The following MAX variants were observed in gnomAD, a reference collection of about 807,000 sequenced individuals.
MAX encodes the protein MYC associated transcriptional regulator X, also known as protein max.
Under a neutral mutation model 22.3 loss-of-function variants are expected in MAX, and 3 were observed. The ratio of observed to expected loss-of-function variants is 0.13; its 90% CI spans 0.06 to 0.35. MAX has a LOEUF of 0.35. MAX is among the 10% of genes least tolerant of loss of function. MAX has a pLI of 1.00. For synonymous variants in MAX, 72 were observed against 77.7 expected (o/e 0.93, Z 0.39); for missense variants, 119 against 209.4 (o/e 0.57, Z 2.66).
At chr14:65,053,466 C>A in intron 3 of MAX, 1 of 879,854 alleles carries the variant, frequency 1.1e-6, no homozygotes, top group Non-Finnish European at 1.5e-6. Context: ...TCAGCACCTG[C>A]ATAGCGCTAG....
intron 3 of MAX, among the ~76,000 whole-genome samples, chr14:65,043,549 A>G (rs969478717): frequency 6.6e-6 from 1 of 152,084 alleles, no homozygotes; most frequent in Non-Finnish European, 1.5e-5. Context: ...CAGGCCGGGC[A>G]CGGTGGCTCA....
At chr14:65,046,278 A>G (rs931544443) in intron 3 of MAX, among the ~76,000 whole-genome samples, 1 of 152,188 alleles carries the variant, frequency 6.6e-6, no homozygotes, top group African/African-American at 2.4e-5. Flanking sequence ...GCCTGGCCCA[A>G]CATTTCTAAG....
At chr14:65,024,781 GA>G (rs201797760) in intron 3 of MAX, among the ~76,000 whole-genome samples, 37 of 151,358 alleles carry the variant, frequency 2.4e-4, no homozygotes, top group South Asian at 6.3e-4. Context: ...ACATTTGTGG[GA>G]AAAAAAAATA....
chr14:65,080,615 A>T lies in MAX; in HGVS notation c.172-2579T>A, dbSNP rs1359466074. 2.0e-5 allele frequency among the ~76,000 whole-genome samples: 3 copies of T among 152,156 alleles called. No homozygotes were observed. In the East Asian group the frequency reaches 5.8e-4, roughly 29 times the overall value. Reference sequence around the variant, plus strand: ...TCTCACCTTGCCTATTCCTCATCTGACTAGAAATTCTCTAAGACCCCATCT... The same window carrying T: ...TCTCACCTTGCCTATTCCTCATCTGTCTAGAAATTCTCTAAGACCCCATCT... On this transcript the variant is annotated intron_variant, in intron 3 of 4. Coordinates refer to ENST00000358664, the MANE Select transcript of MAX (RefSeq NM_002382.5).
Position 65,032,575 on chromosome 14 carries a change from A to C in MAX, c.172-26291T>G. 2.7e-4 allele frequency: 437 copies of C among 1,595,066 alleles called. No homozygotes were observed. The highest frequency in any genetic ancestry group is 3.3e-4 in the Non-Finnish European group (389 of 1,165,784). On this transcript the variant is annotated intron_variant, in intron 3 of 3. Transcript: ENST00000341653. This position sits in a 1 kb window ranked among gnomAD's most constrained non-coding sequence, Gnocchi z 5.0. ...CACTGAGCCTCATTAGCTCTTCCGT[A>C]GAGCTTAATGTGTTTCCCGTTTCTG...
At chr14:65,063,451 A>C (rs913828135) in intron 3 of MAX, among the ~76,000 whole-genome samples, 19 of 152,196 alleles carry the variant, frequency 1.2e-4, no homozygotes, top group Non-Finnish European at 2.5e-4. Flanking sequence ...AGGTAAAGTT[A>C]GTCTGGGTAG....
In MAX at chr14:65,055,447, G is replaced by A. The variant is rs952626935; in HGVS notation, c.171+38261C>T. On this transcript the variant is annotated intron_variant, in intron 3 of 3. Coordinates refer to the MAX transcript ENST00000341653. ...AACATGGCCTGCTGCTACCATCTAG[G>A]TCACTGCCTTATTTTCTCATCTGTG... Among the ~76,000 whole-genome samples, 87 of 151,964 alleles carry A rather than the reference G, an allele frequency of 5.7e-4. 7 individuals are homozygous for A. The highest frequency in any genetic ancestry group is 8.8e-5 in the Non-Finnish European group (6 of 67,980).
chr14:65,054,423 A>G lies in MAX; in HGVS notation c.171+39285T>C. On this transcript the variant is annotated intron_variant, in intron 3 of 3. Coordinates refer to the MAX transcript ENST00000341653. This position sits in a 1 kb window ranked among gnomAD's most constrained non-coding sequence, Gnocchi z 4.4. ...CTGTGCTCAGCCAGTGGGGCTTTAA[A>G]TAACACTGCTGGGAAAACCATGCCT... 1 of 747,254 alleles carries G rather than the reference A, an allele frequency of 1.3e-6. No individual in the cohort carries two copies. Among genetic ancestry groups the G allele is most frequent in the Non-Finnish European group, 2.2e-6 (1 of 462,126 alleles). The allele number at this position is 747,254 out of a possible 1,614,324, so 46.3% of individuals were successfully genotyped here. A position where few individuals can be genotyped will look rare whatever the true frequency, so the allele number is the denominator to read the frequency against.
intron 3 of MAX, among the ~76,000 whole-genome samples, chr14:65,049,284 C>T (rs918242701): frequency 6.6e-6 from 1 of 152,286 alleles, no homozygotes; most frequent in African/African-American, 2.4e-5. Context: ...TGGACATACC[C>T]TGGAATTTTC....
rs1445053594 is a variant in MAX at position 65,037,735 on chromosome 14, T to C, written c.172-31451A>G. Among the ~76,000 whole-genome samples the C allele has an allele frequency of 1.1e-4, 8 of 74,304 alleles. 1 individual carries two copies. The East Asian group carries it at 4.3e-3, about 40-fold the overall frequency. 48.7% of individuals were successfully genotyped at this position (74,304 alleles called of 152,430 possible). A position where few individuals can be genotyped will look rare whatever the true frequency, so the allele number is the denominator to read the frequency against. ...CCACCATGCCCAGCCTCTTATTTAT[T>C]TATTTATTATTTATTTATTTATTTA... On this transcript the variant is annotated intron_variant, in intron 3 of 3. Coordinates refer to the MAX transcript ENST00000341653.
At chr14:65,024,053 G>C (rs941846524) in intron 3 of MAX, among the ~76,000 whole-genome samples, 4 of 150,830 alleles carry the variant, frequency 2.7e-5, no homozygotes, top group African/African-American at 9.8e-5. Flanking sequence ...AGTGAGCTGA[G>C]ATCGCTCAAC....
Position 65,012,309 on chromosome 14 carries a change from C to T in MAX, c.172-6025G>A. On this transcript the variant is annotated intron_variant, in intron 3 of 3. Transcript: ENST00000341653. This position sits in a 1 kb window ranked among gnomAD's most constrained non-coding sequence, Gnocchi z 5.0. ...TAGAATGGGCTTATAAACTGTTTGT[C>T]TTTCCAGGCTTGTTTTGCAGAGGGA... 1 of 1,614,034 alleles carries T rather than the reference C, an allele frequency of 6.2e-7. No individual in the cohort carries two copies. Among genetic ancestry groups the T allele is most frequent in the South Asian group, 1.1e-5 (1 of 91,066 alleles).
At chr14:65,036,432 T>C (rs2062194993) in intron 3 of MAX, among the ~76,000 whole-genome samples, 1 of 151,778 alleles carries the variant, frequency 6.6e-6, no homozygotes, top group Admixed American at 6.6e-5. Flanking sequence ...AGACGGGGTT[T>C]TCCCATGTTG....
intron 3 of MAX, among the ~76,000 whole-genome samples, chr14:65,055,541 A>T (rs777440017): frequency 6.6e-6 from 1 of 151,728 alleles, no homozygotes; most frequent in East Asian, 1.9e-4. Context: ...TTGTGAGACA[A>T]AGTCTCACTC....
chr14:65,013,397 GCTA>G (rs1210405351), intron 3 of MAX, among the ~76,000 whole-genome samples: 1 of 151,512 alleles, frequency 6.6e-6, no homozygotes, highest in East Asian at 1.9e-4. Flanking sequence ...AAATGTTGCA[GCTA>G]CTACCAGTTA....
At chr14:65,042,146 G>A (rs2062366703) in intron 3 of MAX, among the ~76,000 whole-genome samples, 1 of 152,068 alleles carries the variant, frequency 6.6e-6, no homozygotes, top group African/African-American at 2.4e-5. Context: ...TTGGCACAAG[G>A]GACCAGTTTT....
At chr14:65,015,741 G>C (rs535762781) in intron 3 of MAX, 3 of 1,606,548 alleles carry the variant, frequency 1.9e-6, no homozygotes, top group Non-Finnish European at 2.6e-6. Flanking sequence ...GGGAAATCTG[G>C]GGTGTTCTCT....
rs941414068 is a variant in MAX at position 65,075,789 on chromosome 14, C to T, written c.*687G>A. Reference sequence around the variant, plus strand: ...CCATACATACCACGAGAGTGTCACACGGCCCTCCGTGAGGCTGGCGCCGCA... The same window carrying T: ...CCATACATACCACGAGAGTGTCACATGGCCCTCCGTGAGGCTGGCGCCGCA... On this transcript the variant is annotated 3_prime_UTR_variant, in exon 5 of 5. Transcript: ENST00000358664. The surrounding 1 kb of genome is among the most constrained non-coding windows in gnomAD (Gnocchi z 4.1). 1.8e-5 allele frequency: 19 copies of T among 1,065,866 alleles called. No homozygotes were observed. Among genetic ancestry groups the T allele is most frequent in the South Asian group, 1.4e-4 (3 of 22,024 alleles). The allele number at this position is 1,065,866 out of a possible 1,614,324, so 66.0% of individuals were successfully genotyped here.
chr14:65,087,869 T>C (rs978830791), intron 3 of MAX, among the ~76,000 whole-genome samples: 2 of 152,152 alleles, frequency 1.3e-5, no homozygotes, highest in East Asian at 1.9e-4. Context: ...TCATCTTGAA[T>C]TGTAATTCCC....
Sources: gnomAD v4.1 joint callset for allele counts (sites outside exome capture counted in the v4.1 genomes callset) on GRCh38, gnomAD v4.1.1 for gene constraint, Gnocchi (gnomAD v3.1) non-coding constraint, MANE v1.5 for transcripts, NCBI Gene and HGNC (gene_info 2026-07-23, HGNC 2026-07-21) for gene names.